The following ATP10D variants were observed in gnomAD, a reference collection of about 807,000 sequenced individuals.
ATP10D encodes ATPase phospholipid transporting 10D (putative), also known as phospholipid-transporting ATPase VD.
In ATP10D, 89 loss-of-function variants were observed where a neutral mutation model predicts 144.8. The ratio of observed to expected loss-of-function variants is 0.61; its 90% confidence interval spans 0.52 to 0.73. The LOEUF is 0.73. Among genes scored for constraint, ATP10D ranks in the 30% least tolerant of loss-of-function variants. The probability of loss-of-function intolerance (pLI) is 0.00; values close to 1 mark genes in which losing one functional copy is unlikely to be tolerated. For synonymous variants in ATP10D, 571 were observed against 615.1 expected (o/e 0.93, Z 1.06); for missense variants, 1,603 against 1,714.8 (o/e 0.93, Z 1.15).
chr4:47,549,146 T>A (rs1322532230), intron 10 of ATP10D, among the ~76,000 whole-genome samples: 1 of 152,224 alleles, frequency 6.6e-6, no homozygotes, highest in African/African-American at 2.4e-5. Flanking sequence ...AAACCTCTGC[T>A]TTGTAAGCCA....
In ATP10D at chr4:47,557,915, CACAGAA is replaced by C; in HGVS notation, c.2082_2087del (p.Thr695_Glu696del). On this transcript the variant is annotated inframe_deletion, in exon 12 of 23. Coordinates refer to ENST00000273859, the MANE Select transcript of ATP10D (RefSeq NM_020453.4). ...AGTGCTCCAGTAGCTCAGCTTGCTG[CACAGAA>C]ACAGAGAAACAACACGGTGATGCAG... 6.2e-7 allele frequency: 1 copy of C among 1,614,146 alleles called. No individual in the cohort carries two copies. Among genetic ancestry groups the C allele is most frequent in the South Asian group, 1.1e-5 (1 of 91,082 alleles).
At position 47,523,110 on chromosome 4, in the gene ATP10D, T is replaced by C. The variant is rs1717045939; in HGVS notation, c.584T>C (p.Leu195Pro). ...CNEVIPADMV[L>P]LFSTDPDGIC... The stretch of plus-strand genomic sequence containing the variant: ...GAGGTCATCCCTGCAGACATGGTAC[T>C]ACTCTTTTCCACTGATCCAGATGGA... The change falls in exon 4 of 23, where the codon CTA (leucine) becomes CCA (proline). Residue 195 changes from leucine (L) to proline (P), a missense_variant. By Grantham distance (98) the Leu-to-Pro change is moderately conservative (BLOSUM62 -3). Coordinates refer to ENST00000273859, the MANE Select transcript of ATP10D (RefSeq NM_020453.4). The C allele has an allele frequency of 1.2e-6, 2 of 1,613,998 alleles. No homozygotes were observed. Among genetic ancestry groups the C allele is most frequent in the African/African-American group, 2.7e-5 (2 of 74,918 alleles).
At chr4:47,587,779 A>G (rs1720859464) in intron 22 of ATP10D, among the ~76,000 whole-genome samples, 1 of 152,116 alleles carries the variant, frequency 6.6e-6, no homozygotes, top group Non-Finnish European at 1.5e-5. Context: ...ATCACCTCTT[A>G]AAGGTCCTAT....
rs1721046195 is a variant in ATP10D at position 47,591,471 on chromosome 4, C to T, written c.*90C>T. The T allele has an allele frequency of 2.7e-6, 3 of 1,118,802 alleles. No homozygotes were observed. In the Admixed American group the frequency reaches 7.4e-5, roughly 28 times the overall value. The allele number at this position is 1,118,802 out of a possible 1,614,324, so 69.3% of individuals were successfully genotyped here. ...TCCAAGCAAGAATGACTTGTTTTTCCATAAGGGACATGAGCATTTTACTAG... is the reference window on the plus strand; with the variant it reads ...TCCAAGCAAGAATGACTTGTTTTTCTATAAGGGACATGAGCATTTTACTAG... On this transcript the variant is annotated 3_prime_UTR_variant, in exon 23 of 23. Transcript: ENST00000273859.
chr4:47,513,833 G>T (rs1246847838), intron 2 of ATP10D, among the ~76,000 whole-genome samples: 3 of 152,198 alleles, frequency 2.0e-5, no homozygotes, highest in African/African-American at 7.2e-5. Context: ...AGTGTGGTGG[G>T]TAGATGAAAA....
At chr4:47,530,379 C>T (rs937613372) in intron 5 of ATP10D, among the ~76,000 whole-genome samples, 5 of 151,934 alleles carry the variant, frequency 3.3e-5, no homozygotes, top group South Asian at 2.1e-4. Context: ...TGGTTTTTAT[C>T]GAGTGTTTTT....
At chr4:47,528,493 GTGTGTGTGTGTGTGTGTGTGTATATATA>G (rs1456756698) in intron 5 of ATP10D, among the ~76,000 whole-genome samples, 11 of 97,778 alleles carry the variant, frequency 1.1e-4, no homozygotes, top group African/African-American at 4.4e-4. Context: ...GTGTGTGTGT[GTGTGTGTGTGTGTGTGTGTGTATATATA>G]TATATATACA....
chr4:47,555,587 T>C (rs1275525316), intron 11 of ATP10D, among the ~76,000 whole-genome samples: 1 of 152,154 alleles, frequency 6.6e-6, no homozygotes, highest in Non-Finnish European at 1.5e-5. Context: ...GGTGCTACTA[T>C]ATTATTTGCC....
At chr4:47,543,599 T>C (rs10938491) in intron 9 of ATP10D, among the ~76,000 whole-genome samples, 35,565 of 152,090 alleles carry the variant, frequency 0.23, 4,160 homozygotes, top group Admixed American at 0.3. Flanking sequence ...CTGAGCCAAC[T>C]TATTATATAC....
intron 3 of ATP10D, among the ~76,000 whole-genome samples, chr4:47,521,464 A>C (rs1242442456): frequency 6.6e-6 from 1 of 152,186 alleles, no homozygotes; most frequent in Non-Finnish European, 1.5e-5. Flanking sequence ...CTACTGCCTT[A>C]ATTCTGACCA....
chr4:47,534,432 T>C (rs890924044), intron 5 of ATP10D, among the ~76,000 whole-genome samples: 5 of 152,172 alleles, frequency 3.3e-5, no homozygotes, highest in African/African-American at 1.2e-4. Context: ...TTTCAAAGGC[T>C]TCACAGATCC....
At chr4:47,530,189 C>T (rs1717489253) in intron 5 of ATP10D, among the ~76,000 whole-genome samples, 1 of 152,004 alleles carries the variant, frequency 6.6e-6, no homozygotes, top group African/African-American at 2.4e-5. Context: ...CTATGTTGAA[C>T]AAAAGTGGTG....
Position 47,512,605 on chromosome 4 carries a change from A to G in ATP10D, c.65A>G (p.Asp22Gly). 6.2e-7 allele frequency: 1 copy of G among 1,613,952 alleles called. No individual in the cohort carries two copies. Among genetic ancestry groups the G allele is most frequent in the African/African-American group, 1.3e-5 (1 of 75,024 alleles). Residue 22 changes from aspartate (D) to glycine (G), a missense_variant, in exon 2 of 23, where the codon GAT becomes GGT. By Grantham distance (94) the Asp-to-Gly change is moderately conservative (BLOSUM62 -1). Transcript: ENST00000273859. ...WRRLIRGATR[D>G]DDSGPYNYSS... ...CGGCTGATCAGAGGTGCAACCAGGGATGATGATTCAGGGCCATACAACTAT... is the reference window on the plus strand; with the variant it reads ...CGGCTGATCAGAGGTGCAACCAGGGGTGATGATTCAGGGCCATACAACTAT...
chr4:47,591,058 C>A lies in ATP10D; in HGVS notation c.3958C>A (p.Leu1320Ile). The A allele has an allele frequency of 6.2e-7, 1 of 1,606,438 alleles. No homozygotes were observed. The highest frequency in any genetic ancestry group is 8.5e-7 in the Non-Finnish European group (1 of 1,176,404). ...GTCACCTAGGTTTGTATACAGAGTTCTTCAGGGATCCCTGTTTCCATCTCC... is the reference window on the plus strand; with the variant it reads ...GTCACCTAGGTTTGTATACAGAGTTATTCAGGGATCCCTGTTTCCATCTCC... ...ALLPRFVYRV[L>I]QGSLFPSPIL... The change falls in exon 23 of 23, where the codon CTT becomes ATT. Residue 1320 changes from leucine to isoleucine, a missense_variant. Coordinates refer to ENST00000273859, the MANE Select transcript of ATP10D (RefSeq NM_020453.4).
chr4:47,572,948 G>GTTA lies in ATP10D; in HGVS notation c.3319_3321dup (p.Tyr1107dup). The GTTA allele has an allele frequency of 6.2e-7, 1 of 1,614,038 alleles. No individual in the cohort carries two copies. Among genetic ancestry groups the GTTA allele is most frequent in the Non-Finnish European group, 8.5e-7 (1 of 1,179,942 alleles). On this transcript the variant is annotated inframe_insertion, in exon 18 of 23. Transcript: ENST00000273859. ...CTCCTTCTTGTCCATGGACACTGGT[G>GTTA]TTATACACGGCTTTCCAACATGATT... is the stretch of plus-strand genomic sequence containing the variant.
intron 10 of ATP10D, 150 bp downstream of exon 10, chr4:47,547,012 T>A: frequency 1.5e-6 from 1 of 687,742 alleles, no homozygotes; most frequent in Non-Finnish European, 2.4e-6. Flanking sequence ...CACACATAAT[T>A]AGAAGTATAA....
chr4:47,591,061 C>G lies in ATP10D; in HGVS notation c.3961C>G (p.Gln1321Glu), dbSNP rs1325932428. The change falls in exon 23 of 23, where the codon CAG (glutamine) becomes GAG (glutamate). Residue 1321 changes from glutamine (Q) to glutamate (E), a missense_variant. Gln to Glu is a conservative substitution (Grantham distance 29). Coordinates refer to ENST00000273859, the MANE Select transcript of ATP10D (RefSeq NM_020453.4). ...ACCTAGGTTTGTATACAGAGTTCTT[C>G]AGGGATCCCTGTTTCCATCTCCAAT... Reference protein sequence around the residue: ...LLPRFVYRVLQGSLFPSPILR... With the variant: ...LLPRFVYRVLEGSLFPSPILR... The G allele has an allele frequency of 6.2e-7, 1 of 1,607,768 alleles. No individual in the cohort carries two copies. The highest frequency in any genetic ancestry group is 1.3e-5 in the African/African-American group (1 of 74,362).
At chr4:47,495,188 G>A (rs189178704) in intron 1 of ATP10D, among the ~76,000 whole-genome samples, 136 of 152,086 alleles carry the variant, frequency 8.9e-4, no homozygotes, top group African/African-American at 3.1e-3. Context: ...TAAGTTAAAT[G>A]TAATTTCTGG....
chr4:47,554,689 C>T, intron 10 of ATP10D, 37 bp from the exon 11 acceptor site: 1 of 1,481,360 alleles, frequency 6.8e-7, no homozygotes, highest in Non-Finnish European at 9.1e-7. Context: ...TTTTTATATA[C>T]TTCTTATAAC....
Sources: allele counts gnomAD v4.1 joint callset (sites outside exome capture counted in the v4.1 genomes callset), GRCh38; gene constraint gnomAD v4.1.1; transcripts MANE v1.5; gene names NCBI Gene and HGNC (gene_info 2026-07-23, HGNC 2026-07-21).